Variants in MSRA observed in about 807,000 individuals in gnomAD.
MSRA encodes mitochondrial peptide methionine sulfoxide reductase.
In MSRA, 54 loss-of-function variants were observed where a neutral mutation model predicts 31.3. That is an observed-to-expected ratio of 1.73 (90% confidence interval 1.39 to 2.17). The LOEUF (loss-of-function observed/expected upper bound fraction) is 2.17. MSRA is among the 30% of genes most tolerant of loss of function. The probability of loss-of-function intolerance (pLI) is 0.00; values close to 1 mark genes in which losing one functional copy is unlikely to be tolerated. For synonymous variants in MSRA, 169 were observed against 116.5 expected (o/e 1.45, Z -2.90); for missense variants, 507 against 300.9 (o/e 1.69, Z -5.07).
intron 2 of MSRA, among the ~76,000 whole-genome samples, chr8:10,241,574 C>G (rs773847203): frequency 5.9e-5 from 9 of 152,100 alleles, no homozygotes; most frequent in Non-Finnish European, 1.3e-4. Flanking sequence ...AAAGTAGTAG[C>G]TGAGGGGAAG....
chr8:10,076,749 C>G (rs1798013332), intron 1 of MSRA, among the ~76,000 whole-genome samples: 1 of 152,038 alleles, frequency 6.6e-6, no homozygotes, highest in Non-Finnish European at 1.5e-5. Context: ...TTCTACTTTC[C>G]TAGTCTCCTG....
chr8:10,401,104 T>TAAA (rs61080777), intron 5 of MSRA, among the ~76,000 whole-genome samples: 1 of 150,262 alleles, frequency 6.7e-6, no homozygotes, highest in Non-Finnish European at 1.5e-5. Flanking sequence ...ATCAAGAATA[T>TAAA]AAAAAAAAAC....
chr8:10,112,972 T>A (rs1445699922), intron 1 of MSRA, among the ~76,000 whole-genome samples: 1 of 152,130 alleles, frequency 6.6e-6, no homozygotes, highest in Non-Finnish European at 1.5e-5. Context: ...CATGGCTCCT[T>A]ACCCCTGCTG....
In MSRA at chr8:10,293,355, T is replaced by C. The variant is rs575353983; in HGVS notation, c.332-8179T>C. Among the ~76,000 whole-genome samples, 3 of 152,282 alleles carry C rather than the reference T, an allele frequency of 2.0e-5. No homozygotes were observed. In the South Asian group the frequency reaches 6.2e-4, roughly 32 times the overall value. The stretch of plus-strand genomic sequence containing the variant: ...CTACTGCTTCCATTTGGATTCCTGC[T>C]CTTGCTTTGGATGCCCTCCCCGCCC... On this transcript the variant is annotated intron_variant, in intron 3 of 5. Coordinates refer to ENST00000317173, the MANE Select transcript of MSRA (RefSeq NM_012331.5).
At chr8:10,265,683 C>T (rs938683838) in intron 3 of MSRA, among the ~76,000 whole-genome samples, 1 of 152,108 alleles carries the variant, frequency 6.6e-6, no homozygotes, top group Non-Finnish European at 1.5e-5. Flanking sequence ...ACTGTAAAGC[C>T]CTCACCACAG....
Position 10,150,859 on chromosome 8 carries a change from C to G in MSRA, c.143-56974C>G, listed in dbSNP as rs560941370. Among the ~76,000 whole-genome samples the G allele has an allele frequency of 2.0e-5, 3 of 152,280 alleles. No homozygotes were observed. The South Asian group carries it at 6.2e-4, about 32-fold the overall frequency. On this transcript the variant is annotated intron_variant, in intron 1 of 5. Coordinates refer to ENST00000317173, the MANE Select transcript of MSRA (RefSeq NM_012331.5). ...CCTTTCCAGCATCGTTTCTGCTGCT[C>G]TTGAACCTGTGGAGTGGGAAGCAAG...
intron 1 of MSRA, among the ~76,000 whole-genome samples, chr8:10,071,529 A>C (rs1404175717): frequency 6.8e-6 from 1 of 147,398 alleles, no homozygotes; most frequent in Non-Finnish European, 1.5e-5. Context: ...CAGCTTCCTA[A>C]TTTTTCCTTT....
intron 1 of MSRA, among the ~76,000 whole-genome samples, chr8:10,118,346 A>G (rs572224355): frequency 1.1e-4 from 16 of 152,302 alleles, no homozygotes; most frequent in African/African-American, 3.9e-4. Flanking sequence ...GCTATGGGGA[A>G]GCACAGCTAT....
chr8:10,397,976 C>T (rs1044831185), intron 5 of MSRA, among the ~76,000 whole-genome samples: 2 of 152,200 alleles, frequency 1.3e-5, no homozygotes, highest in African/African-American at 2.4e-5. Context: ...TGGGCTATAA[C>T]ATCACCAATA....
At chr8:10,129,759 C>A (rs1381666794) in intron 1 of MSRA, among the ~76,000 whole-genome samples, 1 of 152,150 alleles carries the variant, frequency 6.6e-6, no homozygotes, top group African/African-American at 2.4e-5. Context: ...TAAAGACATT[C>A]TGTGTTTGTA....
chr8:10,252,414 G>C (rs1034569734), intron 3 of MSRA, among the ~76,000 whole-genome samples: 3 of 152,156 alleles, frequency 2.0e-5, no homozygotes, highest in Admixed American at 6.5e-5. Flanking sequence ...TGTTAGGCTG[G>C]ATTTTTTCAC....
At chr8:10,307,524 A>G (rs1339274707) in intron 4 of MSRA, among the ~76,000 whole-genome samples, 1 of 152,216 alleles carries the variant, frequency 6.6e-6, no homozygotes, top group African/African-American at 2.4e-5. Context: ...GTACATTTAA[A>G]AAAGCAAATA....
chr8:10,099,315 C>T (rs1451385801), intron 1 of MSRA, among the ~76,000 whole-genome samples: 2 of 152,266 alleles, frequency 1.3e-5, no homozygotes, highest in African/African-American at 4.8e-5. Context: ...AGTGTCTCAG[C>T]CGTGGGTATA....
Position 10,169,217 on chromosome 8 carries a change from GC to G in MSRA, c.143-38614del, listed in dbSNP as rs754673725. Among the ~76,000 whole-genome samples the G allele has an allele frequency of 4.6e-5, 7 of 152,272 alleles. No individual in the cohort carries two copies. In the East Asian group the frequency reaches 1.4e-3, roughly 29 times the overall value. ...CCTCACCCCTTCATTGGTCTAATGG[GC>G]CAGCTGAAGAATTTACACAATAGGA... On this transcript the variant is annotated intron_variant, in intron 1 of 5. Transcript: ENST00000317173.
At chr8:10,147,357 C>T (rs1054431145) in intron 1 of MSRA, among the ~76,000 whole-genome samples, 1 of 152,168 alleles carries the variant, frequency 6.6e-6, no homozygotes, top group Non-Finnish European at 1.5e-5. Context: ...TCAGCTTCCG[C>T]AGCAGCTCAG....
At chr8:10,209,646 G>A (rs182979092) in intron 2 of MSRA, among the ~76,000 whole-genome samples, 15 of 152,212 alleles carry the variant, frequency 9.9e-5, no homozygotes, top group East Asian at 1.9e-4. Flanking sequence ...CACTTTCAGC[G>A]GGCAACTTCC....
Position 10,245,115 on chromosome 8 carries a change from T to C in MSRA, c.223T>C (p.Phe75Leu). The C allele has an allele frequency of 6.2e-7, 1 of 1,613,452 alleles. No individual in the cohort carries two copies. The highest frequency in any genetic ancestry group is 8.5e-7 in the Non-Finnish European group (1 of 1,179,780). Residue 75 changes from phenylalanine to leucine, a missense_variant, in exon 3 of 6, where the codon TTC (phenylalanine) becomes CTC (leucine). Coordinates refer to ENST00000317173, the MANE Select transcript of MSRA (RefSeq NM_012331.5). ...TQMAVFGMGC[F>L]WGAERKFWVL... is the part of the protein sequence containing the mutation. ...TTTTCTTTTTTAAGGAATGGGATGT[T>C]TCTGGGGAGCTGAAAGGAAATTCTG...
chr8:10,060,045 A>G (rs953531115), intron 1 of MSRA, among the ~76,000 whole-genome samples: 2 of 152,200 alleles, frequency 1.3e-5, no homozygotes, highest in Non-Finnish European at 2.9e-5. Flanking sequence ...ATGGAAGGCA[A>G]TTTGGTTGTA....
At position 10,405,404 on chromosome 8, in the gene MSRA, G is replaced by A. The variant is rs1034512956; in HGVS notation, c.544-22744G>A. 7.9e-5 allele frequency among the ~76,000 whole-genome samples: 12 copies of A among 152,316 alleles called. No individual in the cohort carries two copies. In the East Asian group the frequency reaches 9.7e-4, roughly 12 times the overall value. On this transcript the variant is annotated intron_variant, in intron 5 of 5. Transcript: ENST00000317173. ...ATGAGGGGACATCTGGCGCGAGATG[G>A]TCGCCAAGTCACTGCTGTTCCATCA...
Sources: gnomAD v4.1 joint callset for allele counts (sites outside exome capture counted in the v4.1 genomes callset) on GRCh38, gnomAD v4.1.1 for gene constraint, MANE v1.5 for transcripts, NCBI Gene and HGNC (gene_info 2026-07-23, HGNC 2026-07-21) for gene names.